Variants in GNG4 observed in about 807,000 individuals in gnomAD.
The protein encoded by GNG4 is guanine nucleotide-binding protein G(I)/G(S)/G(O) subunit gamma-4.
GNG4 carries 4 observed loss-of-function variants against 5.8 expected under a neutral mutation model. The observed-to-expected ratio is 0.69, with a 90% confidence interval of 0.34 to 1.57. The LOEUF (loss-of-function observed/expected upper bound fraction) is 1.57. Among genes scored for constraint, GNG4 ranks in the 40% most tolerant of loss-of-function variants. GNG4 has a pLI of 0.06. For missense variants in GNG4, 96 were observed against 95.1 expected, an observed-to-expected ratio of 1.01 and a Z score of -0.04; for synonymous variants, 29 against 32.9, an observed-to-expected ratio of 0.88 and a Z score of 0.41.
Position 235,638,221 on chromosome 1 carries a change from C to T in GNG4, c.-123+11441G>A, listed in dbSNP as rs569405754. On this transcript the variant is annotated intron_variant, in intron 1 of 3. Coordinates refer to ENST00000391854, the MANE Select transcript of GNG4 (RefSeq NM_001098722.2). Reference sequence around the variant, plus strand: ...GAAATGTGGGTAATTCCCTTCACCTCCTGCTTTCTTCCCTTCAAAATAGAG... The same window carrying T: ...GAAATGTGGGTAATTCCCTTCACCTTCTGCTTTCTTCCCTTCAAAATAGAG... 1.4e-4 allele frequency among the ~76,000 whole-genome samples: 22 copies of T among 152,340 alleles called. No individual in the cohort carries two copies. The Middle Eastern group carries it at 0.01, about 71-fold the overall frequency.
intron 1 of GNG4, among the ~76,000 whole-genome samples, chr1:235,617,889 TAAAAAAAAAAA>T (rs34128028): frequency 7.3e-5 from 8 of 109,724 alleles, no homozygotes; most frequent in African/African-American, 2.9e-4. Flanking sequence ...TGCCTCTATC[TAAAAAAAAAAA>T]AAAAAAAAGA....
chr1:235,621,326 C>G (rs1688707346), intron 1 of GNG4, among the ~76,000 whole-genome samples: 2 of 132,302 alleles, frequency 1.5e-5, no homozygotes, highest in South Asian at 4.6e-4. Context: ...GAGTCTTGCT[C>G]TGTCACCCAG....
Position 235,640,148 on chromosome 1 carries a change from T to C in GNG4, c.-123+9514A>G, listed in dbSNP as rs568942193. 2.0e-5 allele frequency among the ~76,000 whole-genome samples: 3 copies of C among 152,068 alleles called. No individual in the cohort carries two copies. The South Asian group carries it at 6.2e-4, about 32-fold the overall frequency. On this transcript the variant is annotated intron_variant, in intron 1 of 3. Coordinates refer to ENST00000391854, the MANE Select transcript of GNG4 (RefSeq NM_001098722.2). ...AGAGGACAGATCCATGCATTCAGCCTGGGGAGGAGACCTGGTGTTGCAGGC... is the reference window on the plus strand; with the variant it reads ...AGAGGACAGATCCATGCATTCAGCCCGGGGAGGAGACCTGGTGTTGCAGGC...
chr1:235,597,827 C>G (rs1017404147), intron 1 of GNG4, among the ~76,000 whole-genome samples: 4 of 151,954 alleles, frequency 2.6e-5, no homozygotes, highest in African/African-American at 9.7e-5. Flanking sequence ...AGGGTTTCAC[C>G]ATGTTGGCCA....
intron 1 of GNG4, among the ~76,000 whole-genome samples, chr1:235,634,938 A>T (rs150156060): frequency 0.011 from 1,469 of 135,426 alleles, 21 homozygotes; most frequent in African/African-American, 0.045. Flanking sequence ...CTGTCTCAAA[A>T]AACAAAAAAC....
chr1:235,577,915 A>G (rs1316744632), intron 3 of GNG4, among the ~76,000 whole-genome samples: 1 of 151,920 alleles, frequency 6.6e-6, no homozygotes, highest in Non-Finnish European at 1.5e-5. Context: ...CAGAAAGGCC[A>G]TTGCCTTTCC....
chr1:235,635,379 C>G (rs2102985246), intron 1 of GNG4, among the ~76,000 whole-genome samples: 1 of 152,000 alleles, frequency 6.6e-6, no homozygotes, highest in South Asian at 2.1e-4. Context: ...GCCTGTAATC[C>G]CAGCTACTTG....
chr1:235,602,007 C>T (rs983423527), intron 1 of GNG4, among the ~76,000 whole-genome samples: 3 of 152,172 alleles, frequency 2.0e-5, no homozygotes, highest in Non-Finnish European at 2.9e-5. Context: ...CACAGTGGCT[C>T]ACGCCTGTAA....
At chr1:235,579,213 G>A (rs1687561530) in intron 3 of GNG4, among the ~76,000 whole-genome samples, 2 of 151,978 alleles carry the variant, frequency 1.3e-5, no homozygotes, top group Admixed American at 6.6e-5. Context: ...AAGAGAATAG[G>A]TTTTAAGTGT....
At chr1:235,586,676 A>T (rs989424876) in intron 2 of GNG4, among the ~76,000 whole-genome samples, 2 of 152,092 alleles carry the variant, frequency 1.3e-5, no homozygotes, top group African/African-American at 4.8e-5. Context: ...GTTGTTTAAA[A>T]GTGTGTGTCG....
At chr1:235,634,987 C>A (rs1689006558) in intron 1 of GNG4, among the ~76,000 whole-genome samples, 1 of 152,082 alleles carries the variant, frequency 6.6e-6, no homozygotes, top group Non-Finnish European at 1.5e-5. Flanking sequence ...CTGAAGTCAG[C>A]AGCTGATAGA....
chr1:235,583,662 C>T lies in GNG4; in HGVS notation c.99+78G>A, dbSNP rs976945761. The T allele has an allele frequency of 3.3e-6, 3 of 921,340 alleles. No homozygotes were observed. In the Admixed American group the frequency reaches 5.6e-5, roughly 17 times the overall value. 57.1% of individuals were successfully genotyped at this position (921,340 alleles called of 1,614,324 possible). ...CTGCTGGGTGACGTGTTAACTCTCACAAGTCTGCTTTGGAAGCAGGAGGAA... is the reference window on the plus strand; with the variant it reads ...CTGCTGGGTGACGTGTTAACTCTCATAAGTCTGCTTTGGAAGCAGGAGGAA... On this transcript the variant is annotated intron_variant, in intron 3 of 3. Transcript: ENST00000391854.
In GNG4 at chr1:235,644,244, G is replaced by T. The variant is rs1007306576; in HGVS notation, c.-123+5418C>A. Reference sequence around the variant, plus strand: ...AGCCACAGCGGGAGGGAGCGTGTGAGACCCACGAAGGCCTTGCCCTGGACC... The same window carrying T: ...AGCCACAGCGGGAGGGAGCGTGTGATACCCACGAAGGCCTTGCCCTGGACC... On this transcript the variant is annotated intron_variant, in intron 1 of 3. Transcript: ENST00000391854. The surrounding 1 kb of genome is among the most constrained non-coding windows in gnomAD (Gnocchi z 5.9). 6.6e-6 allele frequency among the ~76,000 whole-genome samples: 1 copy of T among 152,044 alleles called. No homozygotes were observed. The highest frequency in any genetic ancestry group is 2.4e-5 in the African/African-American group (1 of 41,374).
intron 2 of GNG4, among the ~76,000 whole-genome samples, chr1:235,591,967 G>A (rs866186059): frequency 6.6e-6 from 1 of 152,226 alleles, no homozygotes; most frequent in South Asian, 2.1e-4. Context: ...CTAGCACCAA[G>A]TTAGCCCTGA....
At position 235,572,794 on chromosome 1, in the gene GNG4, C is replaced by T. The variant is rs551953880; in HGVS notation, c.99+10946G>A. Among the ~76,000 whole-genome samples, 16 of 151,950 alleles carry T rather than the reference C, an allele frequency of 1.1e-4. No homozygotes were observed. In the South Asian group the frequency reaches 2.1e-3, roughly 20 times the overall value. ...GGATTACAGGCGTGAGCCACCATGC[C>T]GGGTCAAAAAATATACACTACTAGA... On this transcript the variant is annotated intron_variant, in intron 3 of 3. Coordinates refer to ENST00000391854, the MANE Select transcript of GNG4 (RefSeq NM_001098722.2).
intron 2 of GNG4, among the ~76,000 whole-genome samples, chr1:235,593,075 A>C (rs979692899): frequency 6.6e-6 from 1 of 151,450 alleles, no homozygotes; most frequent in African/African-American, 2.4e-5. Flanking sequence ...CAGCCTCCTG[A>C]GTAGTTGGGA....
At chr1:235,627,397 A>G (rs10926299) in intron 1 of GNG4, among the ~76,000 whole-genome samples, 5,049 of 151,828 alleles carry the variant, frequency 0.033, 267 homozygotes, top group African/African-American at 0.11. Context: ...TAATTTTTGT[A>G]TTTTTAGTAG....
chr1:235,556,543 T>G, intron 3 of GNG4, among the ~76,000 whole-genome samples: 2 of 111,374 alleles, frequency 1.8e-5, no homozygotes, highest in Admixed American at 1.2e-4. Context: ...GGCGACAGAG[T>G]GAGACTCTGT....
Position 235,583,859 on chromosome 1 carries a change from C to A in GNG4, c.-10-11G>T. ...TTCATTCTACTGCCCCTAGAAGTAA[C>A]CAAAGTAAAAGGGTTAGAAGAGCTG... On this transcript the variant is annotated splice_polypyrimidine_tract_variant and intron_variant, in intron 2 of 3. Transcript: ENST00000391854. 1.3e-6 allele frequency: 2 copies of A among 1,553,124 alleles called. No homozygotes were observed. Among genetic ancestry groups the A allele is most frequent in the Non-Finnish European group, 1.8e-6 (2 of 1,125,398 alleles).
Sources: allele counts gnomAD v4.1 joint callset (sites outside exome capture counted in the v4.1 genomes callset), GRCh38; gene constraint gnomAD v4.1.1; non-coding constraint Gnocchi (gnomAD v3.1); transcripts MANE v1.5; gene names NCBI Gene and HGNC (gene_info 2026-07-23, HGNC 2026-07-21).